Variants in PCDHGC5 observed in about 807,000 individuals in gnomAD.
PCDHGC5 encodes protocadherin gamma subfamily C, 5, also known as protocadherin gamma-C5.
A neutral mutation model predicts 59.0 loss-of-function variants in PCDHGC5; 25 were observed. The observed-to-expected ratio is 0.42, with a 90% CI of 0.31 to 0.59. The LOEUF is 0.59. Among genes scored for constraint, PCDHGC5 ranks in the 20% least tolerant of loss-of-function variants. The pLI is 0.13. For missense variants in PCDHGC5, 1,067 were observed against 1,206.4 expected (o/e 0.88, Z 1.71); for synonymous variants, 434 against 505.5 (o/e 0.86, Z 1.90).
At position 141,489,378 on chromosome 5, in the gene PCDHGC5, G is replaced by A. The variant is rs1562129701; in HGVS notation, c.138G>A (p.Gly46=). ...VEESEPGTLV[G]NVAQDLGLKM... ...AGTCTGAGCCGGGGACGCTGGTGGGGAATGTTGCTCAGGATCTGGGCTTAA... is the reference window on the plus strand; with the variant it reads ...AGTCTGAGCCGGGGACGCTGGTGGGAAATGTTGCTCAGGATCTGGGCTTAA... The change falls in exon 1 of 4, where the codon GGG becomes GGA. Residue 46 remains glycine (G), a synonymous_variant. Coordinates refer to ENST00000252087, the MANE Select transcript of PCDHGC5 (RefSeq NM_018929.3). The surrounding 1 kb of genome is among the most constrained non-coding windows in gnomAD (Gnocchi z 4.5). 1.2e-6 allele frequency: 2 copies of A among 1,613,908 alleles called. No homozygotes were observed. The highest frequency in any genetic ancestry group is 3.3e-5 in the Admixed American group (2 of 60,026).
intron 3 of PCDHGC5, among the ~76,000 whole-genome samples, chr5:141,508,792 CT>C (rs1475631459): frequency 6.6e-6 from 1 of 152,130 alleles, no homozygotes; most frequent in Non-Finnish European, 1.5e-5. Flanking sequence ...CTAAATCACT[CT>C]GGAATCCTGG....
In PCDHGC5 at chr5:141,512,394, C is replaced by A. The variant is rs750967336; in HGVS notation, c.*1221C>A. 1 of 152,706 alleles carries A rather than the reference C, an allele frequency of 6.5e-6. No homozygotes were observed. The highest frequency in any genetic ancestry group is 1.5e-5 in the Non-Finnish European group (1 of 68,084). The allele number at this position is 152,706 out of a possible 1,614,324, so 9.5% of individuals were successfully genotyped here. ...GACCAAATGAACAGAAAGTCTCAGC[C>A]CAGGATGGGGCTTCTTCAACAGGGC... is the stretch of plus-strand genomic sequence containing the variant. On this transcript the variant is annotated 3_prime_UTR_variant, in exon 4 of 4. Transcript: ENST00000252087.
In PCDHGC5 at chr5:141,511,033, C is replaced by T. The variant is rs1185153127; in HGVS notation, c.2695C>T (p.His899Tyr). 6.2e-7 allele frequency: 1 copy of T among 1,614,202 alleles called. No individual in the cohort carries two copies. The highest frequency in any genetic ancestry group is 1.7e-5 in the Admixed American group (1 of 60,032). ...CTACGGACCCCAGTTCACCCTGCAG[C>T]ACGTGCCCGACTACCGCCAGAATGT... ...ARYGPQFTLQ[H>Y]VPDYRQNVYI... Residue 899 changes from histidine to tyrosine, a missense_variant, in exon 4 of 4, where the codon CAC becomes TAC. His to Tyr is a moderately conservative substitution (Grantham distance 83). Coordinates refer to ENST00000252087, the MANE Select transcript of PCDHGC5 (RefSeq NM_018929.3).
intron 2 of PCDHGC5, among the ~76,000 whole-genome samples, chr5:141,495,233 A>G (rs1226612093): frequency 1.3e-5 from 2 of 152,196 alleles, no homozygotes; most frequent in African/African-American, 4.8e-5. Flanking sequence ...GCTGGGCTCC[A>G]TTATGACCTG....
chr5:141,503,547 C>T (rs545918096), intron 2 of PCDHGC5, among the ~76,000 whole-genome samples: 22 of 147,734 alleles, frequency 1.5e-4, no homozygotes, highest in African/African-American at 4.8e-4. Flanking sequence ...TGCAGTGAGC[C>T]GAGATCGCGC....
chr5:141,494,048 G>C (rs764072099), intron 1 of PCDHGC5, among the ~76,000 whole-genome samples: 3 of 152,148 alleles, frequency 2.0e-5, no homozygotes, highest in Non-Finnish European at 2.9e-5. Flanking sequence ...GGCCCTGCTT[G>C]GAGGCTGTGG....
chr5:141,500,258 G>A lies in PCDHGC5; in HGVS notation c.2520-5135G>A, dbSNP rs2099798463. On this transcript the variant is annotated intron_variant, in intron 2 of 3. Coordinates refer to ENST00000252087, the MANE Select transcript of PCDHGC5 (RefSeq NM_018929.3). ...TAGCCTTGCTCTGTCACCCAGGCTG[G>A]ACTGCAGTGGCGCAATCTCGGCTCA... Among the ~76,000 whole-genome samples the A allele has an allele frequency of 2.0e-5, 3 of 150,738 alleles. No homozygotes were observed. In the South Asian group the frequency reaches 6.3e-4, roughly 32 times the overall value.
chr5:141,500,430 C>T (rs2099800127), intron 2 of PCDHGC5, among the ~76,000 whole-genome samples: 1 of 151,676 alleles, frequency 6.6e-6, no homozygotes, highest in African/African-American at 2.4e-5. Context: ...AGGATGGTCT[C>T]GATCTCCTGA....
chr5:141,490,890 G>C lies in PCDHGC5; in HGVS notation c.1650G>C (p.Leu550=), dbSNP rs751713801. The C allele has an allele frequency of 9.9e-6, 16 of 1,613,306 alleles. No homozygotes were observed. The South Asian group carries it at 1.2e-4, about 12-fold the overall frequency. The change falls in exon 1 of 4, where the codon CTG becomes CTC. Residue 550 remains leucine (L), a synonymous_variant. Transcript: ENST00000252087. This position sits in a 1 kb window ranked among gnomAD's most constrained non-coding sequence, Gnocchi z 5.4. ...GSPPLHANTS[L]HVFVLDENDN... ...CCCCATTGCATGCCAACACATCTCT[G>C]CATGTGTTTGTCCTAGACGAGAATG...
Position 141,494,692 on chromosome 5 carries a change from C to T in PCDHGC5, c.2461-115C>T. On this transcript the variant is annotated intron_variant, in intron 1 of 3. Coordinates refer to ENST00000252087, the MANE Select transcript of PCDHGC5 (RefSeq NM_018929.3). ...AGTCCACCCCTGCCCCCTCTTAGTC[C>T]GTTTTCTTCTCTGTGCCCACTCCCC... 2.5e-6 allele frequency: 4 copies of T among 1,581,934 alleles called. No individual in the cohort carries two copies. In the African/African-American group the frequency reaches 4.0e-5, roughly 16 times the overall value.
intron 1 of PCDHGC5, among the ~76,000 whole-genome samples, chr5:141,492,862 G>A (rs2099744602): frequency 6.6e-6 from 1 of 152,198 alleles, no homozygotes. Context: ...GAGCGCCCTG[G>A]CTCTCAACCC....
intron 2 of PCDHGC5, among the ~76,000 whole-genome samples, chr5:141,501,365 A>G (rs1360125423): frequency 1.3e-5 from 2 of 151,500 alleles, no homozygotes; most frequent in Admixed American, 6.6e-5. Flanking sequence ...AACCATATTC[A>G]TCATCTCTTA....
rs889945954 is a variant in PCDHGC5, at chr5:141,489,368, C to A, written c.128C>A (p.Thr43Lys). The A allele has an allele frequency of 2.5e-6, 4 of 1,613,384 alleles. No homozygotes were observed. Among genetic ancestry groups the A allele is most frequent in the Non-Finnish European group, 3.4e-6 (4 of 1,179,478 alleles). Residue 43 changes from threonine (T) to lysine (K), a missense_variant, in exon 1 of 4, where the codon ACG (threonine) becomes AAG (lysine). By Grantham distance (78) the Thr-to-Lys change is moderately conservative (BLOSUM62 -1). Coordinates refer to ENST00000252087, the MANE Select transcript of PCDHGC5 (RefSeq NM_018929.3). The surrounding 1 kb of genome is among the most constrained non-coding windows in gnomAD (Gnocchi z 4.5). ...GTGGTGGAGGAGTCTGAGCCGGGGA[C>A]GCTGGTGGGGAATGTTGCTCAGGAT... ...YSVVEESEPG[T>K]LVGNVAQDLG...
intron 1 of PCDHGC5, among the ~76,000 whole-genome samples, chr5:141,492,869 A>G (rs975868829): frequency 6.6e-6 from 1 of 152,010 alleles, no homozygotes; most frequent in African/African-American, 2.4e-5. Context: ...CTGGCTCTCA[A>G]CCCCCAGAGA....
chr5:141,502,825 G>A (rs1487995525), intron 2 of PCDHGC5, among the ~76,000 whole-genome samples: 4 of 151,216 alleles, frequency 2.6e-5, no homozygotes, highest in South Asian at 2.1e-4. Flanking sequence ...TTTCCTTGGG[G>A]AAGCCTGGAC....
At chr5:141,496,479 CAACCAACCA>C (rs1199646129) in intron 2 of PCDHGC5, among the ~76,000 whole-genome samples, 1 of 152,180 alleles carries the variant, frequency 6.6e-6, no homozygotes, top group Non-Finnish European at 1.5e-5. Context: ...CCCCATCCTG[CAACCAACCA>C]AACCCTTGTT....
At position 141,490,742 on chromosome 5, in the gene PCDHGC5, C is replaced by A. The variant is rs1281337347; in HGVS notation, c.1502C>A (p.Ala501Asp). 1.2e-6 allele frequency: 2 copies of A among 1,614,062 alleles called. No homozygotes were observed. Among genetic ancestry groups the A allele is most frequent in the Non-Finnish European group, 1.7e-6 (2 of 1,180,022 alleles). The change falls in exon 1 of 4, where the codon GCC becomes GAC. Residue 501 changes from alanine to aspartate, a missense_variant. Coordinates refer to ENST00000252087, the MANE Select transcript of PCDHGC5 (RefSeq NM_018929.3). This position sits in a 1 kb window ranked among gnomAD's most constrained non-coding sequence, Gnocchi z 5.4. ...ATTGTAGGAAATCAGGTTCAGGGAGCCCCAGCCTCCTCCTTTGTGTATGTC... is the reference window on the plus strand; with the variant it reads ...ATTGTAGGAAATCAGGTTCAGGGAGACCCAGCCTCCTCCTTTGTGTATGTC... ...YSIVGNQVQG[A>D]PASSFVYVNP...
intron 2 of PCDHGC5, among the ~76,000 whole-genome samples, chr5:141,503,423 C>T (rs1018496430): frequency 6.6e-6 from 1 of 151,752 alleles, no homozygotes; most frequent in Non-Finnish European, 1.5e-5. Context: ...GGTGAAACCC[C>T]ATCTCTACTA....
chr5:141,509,572 G>T (rs955898202), intron 3 of PCDHGC5, among the ~76,000 whole-genome samples: 24 of 152,300 alleles, frequency 1.6e-4, no homozygotes, highest in Middle Eastern at 3.4e-3. Context: ...CCTTCACAGT[G>T]CGTACAAATC....
Sources: gnomAD v4.1 joint callset for allele counts (sites outside exome capture counted in the v4.1 genomes callset) on GRCh38, gnomAD v4.1.1 for gene constraint, Gnocchi (gnomAD v3.1) non-coding constraint, MANE v1.5 for transcripts, NCBI Gene and HGNC (gene_info 2026-07-23, HGNC 2026-07-21) for gene names.